ATP13A4: variants seen among roughly 807,000 people sequenced by gnomAD.
ATP13A4 encodes probable cation-transporting ATPase 13A4.
ATP13A4 carries 114 observed loss-of-function variants against 142.5 expected under a neutral mutation model. That is an observed-to-expected ratio of 0.80 (90% CI 0.69 to 0.93). ATP13A4 has a LOEUF of 0.93. Ranked by LOEUF, ATP13A4 falls within the 40% of genes least tolerant of loss-of-function variation. The pLI is 0.00. For synonymous variants in ATP13A4, 488 were observed against 514.8 expected, an observed-to-expected ratio of 0.95 and a Z score of 0.70; for missense variants, 1,392 against 1,454.0, an observed-to-expected ratio of 0.96 and a Z score of 0.69.
intron 1 of ATP13A4, among the ~76,000 whole-genome samples, chr3:193,586,779 G>A (rs1480221856): frequency 6.6e-6 from 1 of 152,148 alleles, no homozygotes; most frequent in Non-Finnish European, 1.5e-5. Context: ...TAAGTATTGA[G>A]GTAGGGTAGG....
chr3:193,571,572 G>T (rs1447732498), intron 2 of ATP13A4, among the ~76,000 whole-genome samples: 3 of 152,170 alleles, frequency 2.0e-5, no homozygotes, highest in Non-Finnish European at 4.4e-5. Context: ...GATATGTCAT[G>T]CTGACAACAT....
At chr3:193,582,874 A>C (rs1577090233) in intron 1 of ATP13A4, among the ~76,000 whole-genome samples, 2 of 22,988 alleles carry the variant, frequency 8.7e-5, no homozygotes, top group Non-Finnish European at 1.3e-4. Flanking sequence ...ATATATGTAT[A>C]TTACATATAT....
intron 2 of ATP13A4, among the ~76,000 whole-genome samples, chr3:193,508,939 T>C (rs1036070912): frequency 2.0e-5 from 3 of 150,668 alleles, no homozygotes; most frequent in African/African-American, 7.3e-5. Flanking sequence ...GGGAATGAAA[T>C]GTATACCACA....
intron 12 of ATP13A4, among the ~76,000 whole-genome samples, chr3:193,463,621 T>C (rs1356242834): frequency 6.6e-6 from 1 of 152,070 alleles, no homozygotes; most frequent in African/African-American, 2.4e-5. Context: ...CATAAAGTGT[T>C]TCATTTAATA....
intron 1 of ATP13A4, among the ~76,000 whole-genome samples, chr3:193,545,915 T>C (rs1402052474): frequency 1.3e-5 from 2 of 151,992 alleles, no homozygotes; most frequent in Non-Finnish European, 2.9e-5. Context: ...AAAATGAGTA[T>C]TACTTAAATT....
At chr3:193,499,248 A>G (rs979411051) in intron 3 of ATP13A4, among the ~76,000 whole-genome samples, 2 of 152,240 alleles carry the variant, frequency 1.3e-5, no homozygotes, top group Non-Finnish European at 2.9e-5. Flanking sequence ...TAGGAATGAC[A>G]CACAATCTCT....
intron 25 of ATP13A4, among the ~76,000 whole-genome samples, chr3:193,418,413 A>T (rs998194104): frequency 4.0e-5 from 6 of 149,744 alleles, no homozygotes; most frequent in African/African-American, 1.5e-4. Context: ...CAACCAAAAC[A>T]ACACTATATT....
chr3:193,408,876 CCCGAGAATTT>C lies in ATP13A4; in HGVS notation c.3298-1493_3298-1484del, dbSNP rs1714633765. ...TGGCTTTCTATTCCCTTACCCCTAC[CCCGAGAATTT>C]CCTCCAGCAAATCTCTTGCATAACT... On this transcript the variant is annotated intron_variant, in intron 28 of 29. Coordinates refer to ENST00000342695, the MANE Select transcript of ATP13A4 (RefSeq NM_032279.4). Among the ~76,000 whole-genome samples, 5 of 152,276 alleles carry C rather than the reference CCCGAGAATTT, an allele frequency of 3.3e-5. No individual in the cohort carries two copies. In the South Asian group the frequency reaches 1.0e-3, roughly 32 times the overall value.
rs1315545519 is a variant in ATP13A4, at chr3:193,448,305, A to G, written c.2053T>C (p.Phe685Leu). 1 of 1,614,172 alleles carries G rather than the reference A, an allele frequency of 6.2e-7. No homozygotes were observed. The highest frequency in any genetic ancestry group is 8.5e-7 in the Non-Finnish European group (1 of 1,180,026). ...TRETVESDLI[F>L]LGLLILENRL... ...TTCTCCAAGATCAGCAGCCCCAGAA[A>G]TATCAGGTCTGATTCTACCGTCTCC... Residue 685 changes from phenylalanine (F) to leucine (L), a missense_variant, in exon 18 of 30, where the codon TTT (phenylalanine) becomes CTT (leucine). Phe to Leu is a conservative substitution (Grantham distance 22). Transcript: ENST00000342695.
chr3:193,514,970 G>A (rs1242577894), intron 1 of ATP13A4, 99 bp from the exon 2 acceptor site: 3 of 1,328,426 alleles, frequency 2.3e-6, no homozygotes, highest in East Asian at 4.9e-5. Context: ...GCAGAGTGAA[G>A]GAGTTGAGGA....
At chr3:193,415,209 A>C (rs1714991507) in intron 25 of ATP13A4, among the ~76,000 whole-genome samples, 1 of 152,226 alleles carries the variant, frequency 6.6e-6, no homozygotes, top group South Asian at 2.1e-4. Flanking sequence ...CATTTACAAT[A>C]AGTTATGGTA....
At chr3:193,498,207 CAATT>C (rs1351573833) in intron 3 of ATP13A4, among the ~76,000 whole-genome samples, 1 of 151,002 alleles carries the variant, frequency 6.6e-6, no homozygotes, top group Non-Finnish European at 1.5e-5. Flanking sequence ...TATTATTTGT[CAATT>C]AAAAACAAAA....
intron 3 of ATP13A4, 71 bp from the exon 4 acceptor site, chr3:193,493,231 A>C: frequency 7.8e-7 from 1 of 1,290,064 alleles, no homozygotes; most frequent in Non-Finnish European, 1.1e-6. Context: ...CAGTGGCTAA[A>C]GAAGCATTTG....
intron 28 of ATP13A4, 88 bp downstream of exon 28, chr3:193,410,894 T>A (rs1042226689): frequency 2.3e-6 from 2 of 874,972 alleles, no homozygotes; most frequent in African/African-American, 3.3e-5. Context: ...GTGTCAAAAA[T>A]CATGTCAATT....
At position 193,466,046 on chromosome 3, in the gene ATP13A4, CAG is replaced by C; in HGVS notation, c.1249_1250del (p.Leu417ValfsTer6). ...GTATIGMIYTLCVYVLSGEPP... is the reference protein window; with the variant it reads ...GTATIGMIYTXCVYVLSGEPP... ...TTACCCCACTAAGCACATAGACACA[CAG>C]AGTATAGATCATCCCAATGGTGGCT... On this transcript the variant is annotated frameshift_variant, in exon 11 of 30. Coordinates refer to ENST00000342695, the MANE Select transcript of ATP13A4 (RefSeq NM_032279.4). LOFTEE classifies it high-confidence loss of function. The C allele has an allele frequency of 6.2e-7, 1 of 1,614,150 alleles. No homozygotes were observed. Among genetic ancestry groups the C allele is most frequent in the Middle Eastern group, 1.7e-4 (1 of 6,060 alleles).
intron 17 of ATP13A4, among the ~76,000 whole-genome samples, chr3:193,452,986 A>T (rs962412056): frequency 8.6e-5 from 13 of 152,038 alleles, no homozygotes; most frequent in African/African-American, 3.1e-4. Flanking sequence ...CTTGTTAACC[A>T]CTTCACAGTC....
chr3:193,521,669 A>G (rs947426299), intron 1 of ATP13A4, among the ~76,000 whole-genome samples: 25 of 151,908 alleles, frequency 1.6e-4, no homozygotes, highest in African/African-American at 6.0e-4. Flanking sequence ...GCGATGGCTC[A>G]TGCCTGTAAT....
rs1024293620 is a variant in ATP13A4 at position 193,410,266 on chromosome 3, G to A, written c.3297+716C>T. On this transcript the variant is annotated intron_variant, in intron 28 of 29. Transcript: ENST00000342695. The stretch of plus-strand genomic sequence containing the variant: ...ACACACAGAAAACATTTTTAAAGCC[G>A]TAAAAAAATACATAAATATATGATA... Among the ~76,000 whole-genome samples, 30 of 148,692 alleles carry A rather than the reference G, an allele frequency of 2.0e-4. 1 individual carries two copies. Among genetic ancestry groups the A allele is most frequent in the Admixed American group, 7.4e-4 (11 of 14,790 alleles).
intron 1 of ATP13A4, among the ~76,000 whole-genome samples, chr3:193,529,115 C>T (rs532671747): frequency 3.0e-4 from 46 of 152,090 alleles, no homozygotes; most frequent in Non-Finnish European, 3.4e-4. Flanking sequence ...ACTAAAAATA[C>T]GAAAATTAGC....
Sources: allele counts gnomAD v4.1 joint callset (sites outside exome capture counted in the v4.1 genomes callset), GRCh38; gene constraint gnomAD v4.1.1; transcripts MANE v1.5; gene names NCBI Gene and HGNC (gene_info 2026-07-23, HGNC 2026-07-21).